PKP4: variants seen among roughly 807,000 people sequenced by gnomAD.
The protein encoded by PKP4 is plakophilin 4, also known as plakophilin-4.
PKP4 carries 90 observed loss-of-function variants against 145.1 expected under a neutral mutation model. The ratio of observed to expected loss-of-function variants is 0.62; its 90% CI spans 0.52 to 0.74. The LOEUF (loss-of-function observed/expected upper bound fraction) is 0.74. Ranked by LOEUF, PKP4 falls within the 30% of genes least tolerant of loss-of-function variation. The pLI, the probability that PKP4 is intolerant of heterozygous loss-of-function variation, is 0.00. For synonymous variants in PKP4, 563 were observed against 577.2 expected, an observed-to-expected ratio of 0.98 and a Z score of 0.35; for missense variants, 1,340 against 1,482.7, an observed-to-expected ratio of 0.90 and a Z score of 1.58.
intron 2 of PKP4, among the ~76,000 whole-genome samples, chr2:158,559,375 C>T (rs1017564809): frequency 6.6e-6 from 1 of 151,924 alleles, no homozygotes; most frequent in South Asian, 2.1e-4. Flanking sequence ...AGTCTTCTAA[C>T]CCTGTTAACA....
chr2:158,657,043 G>T (rs997440263), intron 11 of PKP4, among the ~76,000 whole-genome samples: 1 of 152,238 alleles, frequency 6.6e-6, no homozygotes, highest in African/African-American at 2.4e-5. Flanking sequence ...CCTCTGCAAG[G>T]CCACAAACGT....
intron 1 of PKP4, among the ~76,000 whole-genome samples, chr2:158,507,722 A>C (rs1005350852): frequency 6.6e-6 from 1 of 152,106 alleles, no homozygotes. Context: ...TCTCTCACAC[A>C]TTTCAAAAGA....
intron 2 of PKP4, among the ~76,000 whole-genome samples, chr2:158,576,371 G>A (rs1574571935): frequency 6.6e-6 from 1 of 152,170 alleles, no homozygotes. Flanking sequence ...TTACAGTTCA[G>A]CATTTGCTTT....
intron 11 of PKP4, among the ~76,000 whole-genome samples, chr2:158,653,641 A>T (rs1008568339): frequency 6.6e-6 from 1 of 152,242 alleles, no homozygotes; most frequent in Admixed American, 6.5e-5. Context: ...CAAATAGCTA[A>T]TTGCTTTAAA....
At chr2:158,578,569 C>T (rs929425577) in intron 3 of PKP4, among the ~76,000 whole-genome samples, 4 of 151,864 alleles carry the variant, frequency 2.6e-5, no homozygotes, top group Admixed American at 2.0e-4. Context: ...AGAAATTATC[C>T]GTATCTTTAG....
At chr2:158,529,390 C>A (rs541932680) in intron 1 of PKP4, among the ~76,000 whole-genome samples, 1 of 152,196 alleles carries the variant, frequency 6.6e-6, no homozygotes, top group African/African-American at 2.4e-5. Flanking sequence ...CTACCACTCT[C>A]ATGTCTCCCA....
At chr2:158,515,929 C>CT (rs1312696159) in intron 1 of PKP4, among the ~76,000 whole-genome samples, 2 of 152,140 alleles carry the variant, frequency 1.3e-5, no homozygotes, top group East Asian at 3.9e-4. Context: ...GCCTATAGTC[C>CT]TACCTATTAG....
At chr2:158,503,480 T>C (rs1222504621) in intron 1 of PKP4, among the ~76,000 whole-genome samples, 1 of 152,228 alleles carries the variant, frequency 6.6e-6, no homozygotes, top group East Asian at 1.9e-4. Flanking sequence ...AATGAAGTTA[T>C]ATTCTCATAT....
chr2:158,602,613 A>T (rs563264047), intron 3 of PKP4, among the ~76,000 whole-genome samples: 412 of 152,340 alleles, frequency 2.7e-3, no homozygotes, highest in Admixed American at 4.7e-3. Context: ...TCTGCGTTTT[A>T]AATTTTATAA....
intron 2 of PKP4, among the ~76,000 whole-genome samples, chr2:158,555,953 C>G (rs2046052536): frequency 6.6e-6 from 1 of 152,160 alleles, no homozygotes; most frequent in African/African-American, 2.4e-5. Flanking sequence ...TGATCTAACT[C>G]AAGATACTTT....
chr2:158,483,939 A>G (rs1244409361), intron 1 of PKP4, among the ~76,000 whole-genome samples: 5 of 151,784 alleles, frequency 3.3e-5, no homozygotes, highest in Admixed American at 6.6e-5. Flanking sequence ...TTTTTCATCT[A>G]TTGCCAGCCT....
rs564334907 is a variant in PKP4, at chr2:158,599,777, A to G, written c.246-3293A>G. Among the ~76,000 whole-genome samples the G allele has an allele frequency of 2.0e-5, 3 of 152,320 alleles. No individual in the cohort carries two copies. The South Asian group carries it at 6.2e-4, about 32-fold the overall frequency. ...ATCTGGGTTTCAAGGAGCAGTGCCTACTGCCACCACTGTATCCACCACAAA... is the reference window on the plus strand; with the variant it reads ...ATCTGGGTTTCAAGGAGCAGTGCCTGCTGCCACCACTGTATCCACCACAAA... On this transcript the variant is annotated intron_variant, in intron 3 of 21. Transcript: ENST00000389759.
intron 1 of PKP4, among the ~76,000 whole-genome samples, chr2:158,471,219 A>C (rs974173732): frequency 6.6e-6 from 1 of 152,220 alleles, no homozygotes; most frequent in Non-Finnish European, 1.5e-5. Context: ...GAGGAAAGCC[A>C]AAGAATAGAA....
Position 158,621,213 on chromosome 2 carries a change from T to A in PKP4, c.413-18T>A, listed in dbSNP as rs1162397022. 4 of 1,613,746 alleles carry A rather than the reference T, an allele frequency of 2.5e-6. No homozygotes were observed. The highest frequency in any genetic ancestry group is 1.7e-5 in the Admixed American group (1 of 59,988). On this transcript the variant is annotated intron_variant, in intron 5 of 21. Transcript: ENST00000389759. ...GAAGTGTGTATAATAAAGATATTTCTTGGTTTCATTCTTACAGGATCATTG... is the reference window on the plus strand; with the variant it reads ...GAAGTGTGTATAATAAAGATATTTCATGGTTTCATTCTTACAGGATCATTG...
At chr2:158,493,034 T>G (rs1695171208) in intron 1 of PKP4, among the ~76,000 whole-genome samples, 1 of 152,152 alleles carries the variant, frequency 6.6e-6, no homozygotes, top group Non-Finnish European at 1.5e-5. Flanking sequence ...TATAACAAAT[T>G]ATAACAGTCC....
chr2:158,553,630 T>C (rs1020281855), intron 2 of PKP4, among the ~76,000 whole-genome samples: 3 of 152,142 alleles, frequency 2.0e-5, no homozygotes, highest in Non-Finnish European at 2.9e-5. Context: ...CCTAGAGTCA[T>C]AGTCTCAGAC....
intron 1 of PKP4, among the ~76,000 whole-genome samples, chr2:158,482,624 C>A (rs1693531665): frequency 6.6e-6 from 1 of 152,016 alleles, no homozygotes; most frequent in Non-Finnish European, 1.5e-5. Context: ...TTGCTTGAAC[C>A]CAGGAATTTA....
At chr2:158,509,747 A>G (rs1049229210) in intron 1 of PKP4, among the ~76,000 whole-genome samples, 2 of 152,192 alleles carry the variant, frequency 1.3e-5, no homozygotes, top group African/African-American at 2.4e-5. Flanking sequence ...CGGGAGTTTG[A>G]GACCAGCCTG....
intron 1 of PKP4, among the ~76,000 whole-genome samples, chr2:158,485,610 A>T (rs369754538): frequency 1.1e-4 from 17 of 152,210 alleles, no homozygotes; most frequent in African/African-American, 4.1e-4. Context: ...AATGAAAATG[A>T]TTTGATGTGA....
Sources: gnomAD v4.1 joint callset for allele counts (sites outside exome capture counted in the v4.1 genomes callset) on GRCh38, gnomAD v4.1.1 for gene constraint, MANE v1.5 for transcripts, NCBI Gene and HGNC (gene_info 2026-07-23, HGNC 2026-07-21) for gene names.